The following PIGN variants were observed in gnomAD, a reference collection of about 807,000 sequenced individuals.
The protein encoded by PIGN is GPI ethanolamine phosphate transferase 1.
PIGN carries 117 observed loss-of-function variants against 125.4 expected under a neutral mutation model. That is an observed-to-expected ratio of 0.93 (90% CI 0.80 to 1.09). The LOEUF is 1.09. Among genes scored for constraint, PIGN ranks in the 50% least tolerant of loss-of-function variants. PIGN has a pLI of 0.00. For missense variants in PIGN, 1,075 were observed against 1,094.9 expected (o/e 0.98, Z 0.26); for synonymous variants, 392 against 377.8 (o/e 1.04, Z -0.44).
intron 23 of PIGN, among the ~76,000 whole-genome samples, chr18:62,030,500 A>C (rs2144887164): frequency 6.6e-6 from 1 of 152,336 alleles, no homozygotes; most frequent in Non-Finnish European, 1.5e-5. Context: ...GAAATATCAA[A>C]GGGAAAAGGA....
intron 23 of PIGN, among the ~76,000 whole-genome samples, chr18:62,027,571 G>A (rs1203952698): frequency 6.6e-6 from 1 of 152,196 alleles, no homozygotes; most frequent in Non-Finnish European, 1.5e-5. Flanking sequence ...AGACACGGTT[G>A]CATTCTTTTG....
At position 62,064,624 on chromosome 18, in the gene PIGN, ACAT is replaced by A. The variant is rs1368769922; in HGVS notation, c.2672+8046_2672+8048del. ...AACAGAAATTGTTAATATTTTCTTC[ACAT>A]CATTTCATGAGACTCAATGAGATAA... On this transcript the variant is annotated intron_variant, in intron 30 of 30. Coordinates refer to ENST00000640252, the MANE Select transcript of PIGN (RefSeq NM_176787.5). Among the ~76,000 whole-genome samples, 3 of 152,368 alleles carry A rather than the reference ACAT, an allele frequency of 2.0e-5. No individual in the cohort carries two copies. In the East Asian group the frequency reaches 5.8e-4, roughly 29 times the overall value.
In PIGN at chr18:62,145,008, CGGGGGG is replaced by C. The variant is rs33928407; in HGVS notation, c.922+895_922+900del. Among the ~76,000 whole-genome samples the C allele has an allele frequency of 2.5e-4, 36 of 142,160 alleles. No homozygotes were observed. In the East Asian group the frequency reaches 4.3e-3, roughly 17 times the overall value. 93.3% of individuals were successfully genotyped at this position (142,160 alleles called of 152,430 possible). ...AAGAACCTGTCTCTAAGGAAACTGGCGGGGGGGGGGGGGCAGGGTGGAGAAAGGAGC... is the reference window on the plus strand; with the variant it reads ...AAGAACCTGTCTCTAAGGAAACTGGCGGGGGGGCAGGGTGGAGAAAGGAGC... On this transcript the variant is annotated intron_variant, in intron 10 of 30. Transcript: ENST00000640252.
At chr18:62,094,365 G>A (rs747938199) in intron 23 of PIGN, among the ~76,000 whole-genome samples, 3 of 152,082 alleles carry the variant, frequency 2.0e-5, no homozygotes, top group Non-Finnish European at 4.4e-5. Context: ...TTAAGAGACT[G>A]TACAGAATTT....
Position 62,167,284 on chromosome 18 carries a change from ATATGTGTGTG to A in PIGN, c.-235-3638_-235-3629del, listed in dbSNP as rs1432781703. Among the ~76,000 whole-genome samples the A allele has an allele frequency of 5.2e-3, 704 of 136,154 alleles. 9 individuals are homozygous for A. The highest frequency in any genetic ancestry group is 0.02 in the African/African-American group (646 of 31,844). 89.3% of individuals were successfully genotyped at this position (136,154 alleles called of 152,430 possible). A position where few individuals can be genotyped will look rare whatever the true frequency, so the allele number is the denominator to read the frequency against. ...TATAGATAGAGATATATAGAGATATATATGTGTGTGTGTGTGTGTGTGTGTGTGTGTGTGT... is the reference window on the plus strand; with the variant it reads ...TATAGATAGAGATATATAGAGATATATGTGTGTGTGTGTGTGTGTGTGTGT... On this transcript the variant is annotated intron_variant, in intron 1 of 30. Transcript: ENST00000640252.
chr18:62,053,465 G>A (rs77265912), intron 30 of PIGN, among the ~76,000 whole-genome samples: 3 of 152,194 alleles, frequency 2.0e-5, no homozygotes, highest in African/African-American at 7.2e-5. Flanking sequence ...TGCATTAAAT[G>A]TGAATAGTCT....
chr18:62,106,450 C>T (rs2146426758), intron 19 of PIGN, among the ~76,000 whole-genome samples: 1 of 152,140 alleles, frequency 6.6e-6, no homozygotes, highest in African/African-American at 2.4e-5. Context: ...GTGCAGACCC[C>T]TAAGCCACTG....
At chr18:62,101,226 G>T in intron 21 of PIGN, 43 bp from the exon 22 acceptor site, 1 of 1,102,274 alleles carries the variant, frequency 9.1e-7, no homozygotes, top group African/African-American at 1.5e-5. Flanking sequence ...AGAAGGTAGT[G>T]AAAGACTCTA....
In PIGN at chr18:62,147,017, C is replaced by G; in HGVS notation, c.759G>C (p.Gly253=). Residue 253 remains glycine (G), a synonymous_variant, in exon 9 of 31, where the codon GGG becomes GGC. Transcript: ENST00000640252. ...SMFNHFYGND[G]KTTFIFTSDH... ...CAGAGGTAAAGATAAATGTTGTTTTCCCATCATTTCCATAGAAGTGGTTAA... is the reference window on the plus strand; with the variant it reads ...CAGAGGTAAAGATAAATGTTGTTTTGCCATCATTTCCATAGAAGTGGTTAA... The G allele has an allele frequency of 6.2e-7, 1 of 1,612,202 alleles. No individual in the cohort carries two copies. Among genetic ancestry groups the G allele is most frequent in the South Asian group, 1.1e-5 (1 of 90,996 alleles).
At chr18:62,139,552 T>G (rs1256550657) in intron 12 of PIGN, among the ~76,000 whole-genome samples, 1 of 152,248 alleles carries the variant, frequency 6.6e-6, no homozygotes, top group Non-Finnish European at 1.5e-5. Flanking sequence ...ATAACATTAT[T>G]TTTTAAGAGT....
chr18:62,156,304 C>T (rs3851140), intron 6 of PIGN, among the ~76,000 whole-genome samples: 81,975 of 152,004 alleles, frequency 0.54, 24,149 homozygotes, highest in East Asian at 0.76. Context: ...TGTATTAAAA[C>T]AGGAATTATA....
Position 62,128,941 on chromosome 18 carries a change from T to C in PIGN, c.1172+9302A>G, listed in dbSNP as rs557428754. Among the ~76,000 whole-genome samples, 6 of 152,286 alleles carry C rather than the reference T, an allele frequency of 3.9e-5. No homozygotes were observed. The East Asian group carries it at 9.6e-4, about 24-fold the overall frequency. On this transcript the variant is annotated intron_variant, in intron 14 of 30. Transcript: ENST00000640252. ...TTAAAATATAAGTATACAACGATGT[T>C]TCATTGGAAATGCAGATCTCCCCAC...
intron 1 of PIGN, among the ~76,000 whole-genome samples, chr18:62,181,692 G>T (rs2037722916): frequency 6.6e-6 from 1 of 152,012 alleles, no homozygotes; most frequent in South Asian, 2.1e-4. Flanking sequence ...GATTACAGGT[G>T]TGAGTTGCTG....
At chr18:62,166,598 T>G (rs751654685) in intron 1 of PIGN, among the ~76,000 whole-genome samples, 3 of 152,144 alleles carry the variant, frequency 2.0e-5, no homozygotes, top group Non-Finnish European at 4.4e-5. Flanking sequence ...TAAAGACACA[T>G]GCAGACATAT....
rs2030473533 is a variant in PIGN at position 62,043,807 on chromosome 18, C to A, written c.*2049G>T. ...ACAACTTGTTCTGCCTATTTTAATTCTTATAACAATTCCTAATTTAAACAT... is the reference window on the plus strand; with the variant it reads ...ACAACTTGTTCTGCCTATTTTAATTATTATAACAATTCCTAATTTAAACAT... On this transcript the variant is annotated 3_prime_UTR_variant, in exon 31 of 31. Coordinates refer to ENST00000640252, the MANE Select transcript of PIGN (RefSeq NM_176787.5). The A allele has an allele frequency of 6.6e-6, 1 of 152,020 alleles. No homozygotes were observed. 9.4% of individuals were successfully genotyped at this position (152,020 alleles called of 1,614,324 possible). A position where few individuals can be genotyped will look rare whatever the true frequency, so the allele number is the denominator to read the frequency against.
chr18:62,141,209 T>C (rs184204075), intron 11 of PIGN, among the ~76,000 whole-genome samples: 74 of 152,344 alleles, frequency 4.9e-4, no homozygotes, highest in Non-Finnish European at 8.7e-4. Flanking sequence ...CAGTTTCAAA[T>C]TCTCAGGTAG....
At chr18:62,088,910 C>T in intron 24 of PIGN, 68 bp from the exon 25 acceptor site, 1 of 830,802 alleles carries the variant, frequency 1.2e-6, no homozygotes, top group Non-Finnish European at 2.0e-6. Flanking sequence ...TGAAGGCAAA[C>T]TTACAATGGC....
intron 1 of PIGN, among the ~76,000 whole-genome samples, chr18:62,186,081 C>G (rs796746577): frequency 2.3e-3 from 282 of 122,266 alleles, no homozygotes; most frequent in African/African-American, 8.5e-3. Context: ...GACGGAGTCT[C>G]GTTCTGTCGC....
At chr18:62,050,257 G>T (rs1424945256) in intron 30 of PIGN, among the ~76,000 whole-genome samples, 4 of 152,198 alleles carry the variant, frequency 2.6e-5, no homozygotes, top group African/African-American at 9.7e-5. Context: ...GTAGCTTAAT[G>T]GGGATGGCAT....
Sources: gnomAD v4.1 joint callset for allele counts (sites outside exome capture counted in the v4.1 genomes callset) on GRCh38, gnomAD v4.1.1 for gene constraint, MANE v1.5 for transcripts, NCBI Gene and HGNC (gene_info 2026-07-23, HGNC 2026-07-21) for gene names.